The following GALNT13 variants were observed in gnomAD, a reference collection of about 807,000 sequenced individuals.
GALNT13 encodes the protein polypeptide N-acetylgalactosaminyltransferase 13, also known as UDP-GalNAc:polypeptide N-acetylgalactosaminyltransferase 13.
Under a neutral mutation model 64.2 loss-of-function variants are expected in GALNT13, and 28 were observed. That is an observed-to-expected ratio of 0.44 (90% confidence interval 0.32 to 0.60). The LOEUF (loss-of-function observed/expected upper bound fraction) is 0.60. Ranked by LOEUF, GALNT13 falls within the 20% of genes least tolerant of loss-of-function variation. The pLI is 0.05. For synonymous variants in GALNT13, 214 were observed against 224.6 expected (o/e 0.95, Z 0.42); for missense variants, 577 against 669.8 (o/e 0.86, Z 1.53).
chr2:154,270,756 G>C (rs1691309842), intron 8 of GALNT13, among the ~76,000 whole-genome samples: 1 of 151,704 alleles, frequency 6.6e-6, no homozygotes, highest in Non-Finnish European at 1.5e-5. Context: ...GCATTGCCCA[G>C]TAGACACAAA....
chr2:153,234,127 T>C, the GALNT13 span, among the ~76,000 whole-genome samples: 1 of 152,154 alleles, frequency 6.6e-6, no homozygotes, highest in Non-Finnish European at 1.5e-5. Flanking sequence ...TTGATGTCAT[T>C]GATTAAATTG....
chr2:154,115,752 C>G (rs1220658235), intron 3 of GALNT13, among the ~76,000 whole-genome samples: 1 of 152,146 alleles, frequency 6.6e-6, no homozygotes, highest in Non-Finnish European at 1.5e-5. Flanking sequence ...TCCCGATCTG[C>G]AACATTAAAT....
At chr2:153,909,947 A>G (rs912490838) in intron 2 of GALNT13, among the ~76,000 whole-genome samples, 4 of 152,060 alleles carry the variant, frequency 2.6e-5, no homozygotes, top group African/African-American at 9.7e-5. Flanking sequence ...GCCTCATAGA[A>G]TGAGTTGGGG....
At chr2:154,374,719 C>G (rs1697884226) in intron 9 of GALNT13, among the ~76,000 whole-genome samples, 1 of 152,134 alleles carries the variant, frequency 6.6e-6, no homozygotes, top group African/African-American at 2.4e-5. Context: ...AGTGTGGCTT[C>G]CCTGATGAAG....
chr2:154,209,784 A>G (rs1212912427), intron 4 of GALNT13, among the ~76,000 whole-genome samples: 1 of 152,194 alleles, frequency 6.6e-6, no homozygotes, highest in African/African-American at 2.4e-5. Flanking sequence ...GATCTTTGAT[A>G]TATGTACATA....
At chr2:154,186,103 T>A (rs907820519) in intron 4 of GALNT13, among the ~76,000 whole-genome samples, 2 of 152,092 alleles carry the variant, frequency 1.3e-5, no homozygotes, top group African/African-American at 4.8e-5. Context: ...TCAAGGTGAA[T>A]GATACAAGTA....
chr2:154,443,135 G>A (rs1424131220), intron 12 of GALNT13, among the ~76,000 whole-genome samples: 1 of 151,914 alleles, frequency 6.6e-6, no homozygotes, highest in African/African-American at 2.4e-5. Flanking sequence ...AAAAACAATG[G>A]CTCAATTTAC....
At chr2:153,121,789 C>G in the GALNT13 span, among the ~76,000 whole-genome samples, 10 of 152,142 alleles carry the variant, frequency 6.6e-5, no homozygotes, top group African/African-American at 2.4e-4. Context: ...CTGACTAAAC[C>G]TCCCAAAGTG....
the GALNT13 span, among the ~76,000 whole-genome samples, chr2:153,465,872 G>C: frequency 5.1e-4 from 77 of 152,096 alleles, no homozygotes; most frequent in African/African-American, 1.7e-3. Context: ...AGTCACATGT[G>C]AGTGAGAAAG....
the GALNT13 span, among the ~76,000 whole-genome samples, chr2:153,336,085 T>C: frequency 6.6e-6 from 1 of 152,182 alleles, no homozygotes; most frequent in African/African-American, 2.4e-5. Flanking sequence ...TCCACCTAGA[T>C]TTCAGAAGAT....
At chr2:153,570,943 T>C in the GALNT13 span, among the ~76,000 whole-genome samples, 2 of 152,080 alleles carry the variant, frequency 1.3e-5, no homozygotes, top group Non-Finnish European at 2.9e-5. Flanking sequence ...TTCTGAGACT[T>C]TTGTGGTTCC....
chr2:153,831,126 T>A, the GALNT13 span, among the ~76,000 whole-genome samples: 1 of 152,214 alleles, frequency 6.6e-6, no homozygotes, highest in Admixed American at 6.5e-5. Context: ...GTATCGTTTC[T>A]CATGCATTTT....
the GALNT13 span, among the ~76,000 whole-genome samples, chr2:153,394,458 A>T: frequency 6.6e-6 from 1 of 152,278 alleles, no homozygotes; most frequent in Admixed American, 6.5e-5. Flanking sequence ...ACTCTGAAGA[A>T]AACTTGAACA....
intron 3 of GALNT13, among the ~76,000 whole-genome samples, chr2:154,081,561 C>T (rs1020775156): frequency 8.6e-5 from 13 of 151,648 alleles, no homozygotes; most frequent in African/African-American, 2.9e-4. Context: ...CACAGATGCT[C>T]TTACCCAAAA....
chr2:153,622,673 A>G, the GALNT13 span, among the ~76,000 whole-genome samples: 2 of 152,056 alleles, frequency 1.3e-5, no homozygotes, highest in Non-Finnish European at 2.9e-5. Flanking sequence ...TATTACCCAG[A>G]TAATATTTAC....
At chr2:154,309,704 C>G (rs149008194) in intron 9 of GALNT13, among the ~76,000 whole-genome samples, 2 of 152,300 alleles carry the variant, frequency 1.3e-5, no homozygotes, top group African/African-American at 2.4e-5. Context: ...CCTTTCAACA[C>G]TGCAACATTG....
chr2:154,367,716 T>TA (rs919875857), intron 9 of GALNT13, among the ~76,000 whole-genome samples: 1 of 152,118 alleles, frequency 6.6e-6, no homozygotes, highest in Non-Finnish European at 1.5e-5. Flanking sequence ...TCTTATAATG[T>TA]AAAAAAAGAG....
At chr2:154,345,619 C>A (rs1696027848) in intron 9 of GALNT13, among the ~76,000 whole-genome samples, 1 of 151,996 alleles carries the variant, frequency 6.6e-6, no homozygotes, top group African/African-American at 2.4e-5. Flanking sequence ...AGACCCAGAG[C>A]ATACCCTAAA....
At chr2:153,206,634 A>C in the GALNT13 span, among the ~76,000 whole-genome samples, 21 of 152,138 alleles carry the variant, frequency 1.4e-4, no homozygotes, top group Admixed American at 3.3e-4. Context: ...AGTTCATTAG[A>C]TATAAGATTA....
Sources: gnomAD v4.1 joint callset for allele counts (sites outside exome capture counted in the v4.1 genomes callset) on GRCh38, gnomAD v4.1.1 for gene constraint, MANE v1.5 for transcripts, NCBI Gene and HGNC (gene_info 2026-07-23, HGNC 2026-07-21) for gene names.